The following GPHN variants were observed in gnomAD, a reference collection of about 807,000 sequenced individuals.
GPHN encodes gephyrin.
Under a neutral mutation model 95.5 loss-of-function variants are expected in GPHN, and 17 were observed. The observed-to-expected ratio is 0.18, with a 90% CI of 0.12 to 0.27. The LOEUF (loss-of-function observed/expected upper bound fraction) is 0.27. Among genes scored for constraint, GPHN ranks in the 10% least tolerant of loss-of-function variants. The pLI is 1.00. For missense variants in GPHN, 660 were observed against 978.1 expected (o/e 0.67, Z 4.34); for synonymous variants, 320 against 322.5 (o/e 0.99, Z 0.08).
chr14:67,600,036 G>A, the GPHN span: 3 of 1,571,986 alleles, frequency 1.9e-6, no homozygotes, highest in African/African-American at 2.7e-5. Context: ...CGCAGAGGGT[G>A]AAGAGTCCGT....
intron 10 of GPHN, among the ~76,000 whole-genome samples, chr14:67,036,501 G>GCACGCACACACACACACACACACACA (rs1555469786): frequency 1.7e-5 from 2 of 118,148 alleles, no homozygotes; most frequent in African/African-American, 7.7e-5. Context: ...ATACATACAT[G>GCACGCACACACACACACACACACACA]CACACACACA....
the GPHN span, chr14:67,575,566 T>A: frequency 1.2e-6 from 1 of 823,020 alleles, no homozygotes; most frequent in Non-Finnish European, 2.1e-6. Context: ...CTACCCCACG[T>A]AACCCCACAA....
the GPHN span, among the ~76,000 whole-genome samples, chr14:67,488,984 G>T: frequency 1.3e-5 from 2 of 152,154 alleles, no homozygotes; most frequent in African/African-American, 4.8e-5. Flanking sequence ...CTGTCCCTAG[G>T]CCTCACTGAC....
intron 8 of GPHN, among the ~76,000 whole-genome samples, chr14:66,925,692 G>GT (rs1201110471): frequency 6.6e-6 from 1 of 151,992 alleles, no homozygotes; most frequent in Non-Finnish European, 1.5e-5. Context: ...CACTCAGGTT[G>GT]ATAATGCTGC....
chr14:67,261,182 A>G, the GPHN span, among the ~76,000 whole-genome samples: 1 of 152,190 alleles, frequency 6.6e-6, no homozygotes, highest in Non-Finnish European at 1.5e-5. Context: ...GACAATAAAA[A>G]CTTGAAAAGG....
At chr14:67,601,184 G>C in the GPHN span, among the ~76,000 whole-genome samples, 1 of 152,214 alleles carries the variant, frequency 6.6e-6, no homozygotes, top group Non-Finnish European at 1.5e-5. Flanking sequence ...AGAGGACACT[G>C]AGTTACAAGG....
intron 18 of GPHN, among the ~76,000 whole-genome samples, chr14:67,144,751 T>C (rs926804910): frequency 6.6e-6 from 1 of 152,238 alleles, no homozygotes; most frequent in African/African-American, 2.4e-5. Context: ...CTCTGTTGGC[T>C]CGGAGAACAA....
At chr14:66,805,306 G>A (rs1268866685) in intron 3 of GPHN, among the ~76,000 whole-genome samples, 1 of 152,142 alleles carries the variant, frequency 6.6e-6, no homozygotes, top group Non-Finnish European at 1.5e-5. Context: ...TTCCCACCAG[G>A]TCCCTCCCAC....
intron 10 of GPHN, among the ~76,000 whole-genome samples, chr14:67,029,494 C>A (rs2074085066): frequency 6.6e-6 from 1 of 152,136 alleles, no homozygotes. Context: ...TGCGCCACCA[C>A]ACCCAGCTAA....
chr14:66,746,794 G>C (rs1458058763), intron 2 of GPHN, among the ~76,000 whole-genome samples: 1 of 152,040 alleles, frequency 6.6e-6, no homozygotes, highest in East Asian at 1.9e-4. Context: ...AGGGACATAG[G>C]GAAAAAATTC....
chr14:66,559,017 T>A (rs2060121195), intron 1 of GPHN, among the ~76,000 whole-genome samples: 1 of 152,038 alleles, frequency 6.6e-6, no homozygotes, highest in African/African-American at 2.4e-5. Context: ...GATAGTTTAC[T>A]GAGAATGATG....
At chr14:67,592,716 C>G in the GPHN span, 1 of 1,585,486 alleles carries the variant, frequency 6.3e-7, no homozygotes. Context: ...AAATCACCTT[C>G]TGCTGTAAGA....
At chr14:67,690,403 T>C in the GPHN span, 4 of 1,614,048 alleles carry the variant, frequency 2.5e-6, no homozygotes, top group Non-Finnish European at 3.4e-6. Context: ...TAGCAGCAGA[T>C]GGGTTAGGAG....
chr14:66,854,130 G>A (rs1279436705), intron 4 of GPHN, among the ~76,000 whole-genome samples: 3 of 152,232 alleles, frequency 2.0e-5, no homozygotes, highest in South Asian at 2.1e-4. Context: ...CCCTTAACCC[G>A]AATATTTGTT....
the GPHN span, among the ~76,000 whole-genome samples, chr14:67,189,041 C>T: frequency 4.6e-5 from 7 of 152,206 alleles, no homozygotes; most frequent in South Asian, 4.1e-4. Context: ...ATTCTTTTAA[C>T]GCTTTTCTTC....
chr14:66,642,559 G>GTTTTT (rs200424747), intron 1 of GPHN, among the ~76,000 whole-genome samples: 6 of 139,898 alleles, frequency 4.3e-5, no homozygotes, highest in Admixed American at 1.4e-4. Context: ...TTTGATTTTT[G>GTTTTT]TTTTTTTTTT....
At chr14:67,353,988 G>A in the GPHN span, 3 of 149,246 alleles carry the variant, frequency 2.0e-5, no homozygotes, top group Non-Finnish European at 4.4e-5. Flanking sequence ...AGGCATGTTC[G>A]ACCCTTTCTT....
the GPHN span, among the ~76,000 whole-genome samples, chr14:67,651,918 C>T: frequency 3.2e-3 from 492 of 152,280 alleles, 2 homozygotes; most frequent in Non-Finnish European, 5.0e-3. Context: ...CTCCTATCAA[C>T]CCAAATGGGT....
At chr14:67,026,735 C>T (rs1373416071) in intron 10 of GPHN, among the ~76,000 whole-genome samples, 4 of 152,138 alleles carry the variant, frequency 2.6e-5, no homozygotes, top group Admixed American at 6.5e-5. Context: ...CTCCGCCTCC[C>T]GGGTTCACGC....
Sources: allele counts gnomAD v4.1 joint callset (sites outside exome capture counted in the v4.1 genomes callset), GRCh38; gene constraint gnomAD v4.1.1; transcripts MANE v1.5; gene names NCBI Gene and HGNC (gene_info 2026-07-23, HGNC 2026-07-21).